ADAMTS9: variants seen among roughly 807,000 people sequenced by gnomAD.
The protein encoded by ADAMTS9 is ADAM metallopeptidase with thrombospondin type 1 motif 9, also known as A disintegrin and metalloproteinase with thrombospondin motifs 9.
Under a neutral mutation model 257.1 loss-of-function variants are expected in ADAMTS9, and 107 were observed. The observed-to-expected ratio is 0.42, with a 90% CI of 0.36 to 0.49. The LOEUF is 0.49. Among genes scored for constraint, ADAMTS9 ranks in the 20% least tolerant of loss-of-function variants. The pLI is 0.03. For synonymous variants in ADAMTS9, 982 were observed against 880.9 expected, an observed-to-expected ratio of 1.11 and a Z score of -2.03; for missense variants, 2,353 against 2,469.1, an observed-to-expected ratio of 0.95 and a Z score of 1.00.
intron 3 of ADAMTS9, among the ~76,000 whole-genome samples, chr3:64,678,288 C>T (rs568962990): frequency 1.2e-4 from 19 of 152,306 alleles, no homozygotes; most frequent in Admixed American, 1.0e-3. Context: ...CCTCCAGTTC[C>T]AGTATCCTAT....
intron 23 of ADAMTS9, 84 bp from the exon 24 acceptor site, chr3:64,604,415 A>T: frequency 1.0e-6 from 1 of 993,796 alleles, no homozygotes; most frequent in Non-Finnish European, 1.5e-6. Context: ...ATAAAAATGT[A>T]AAGGCTAAGA....
chr3:64,537,501 G>A (rs1449398406), intron 37 of ADAMTS9, among the ~76,000 whole-genome samples: 1 of 152,008 alleles, frequency 6.6e-6, no homozygotes, highest in Non-Finnish European at 1.5e-5. Flanking sequence ...TATGTCCTTT[G>A]TTTATTTTCC....
chr3:64,621,294 T>C (rs995489335), intron 18 of ADAMTS9, 54 bp from the exon 19 acceptor site: 6 of 1,549,400 alleles, frequency 3.9e-6, no homozygotes, highest in Non-Finnish European at 5.2e-6. Context: ...TTCCATAAAC[T>C]ATTTAGACCC....
chr3:64,607,160 G>C, intron 22 of ADAMTS9, 81 bp from the exon 23 acceptor site: 1 of 1,566,146 alleles, frequency 6.4e-7, no homozygotes, highest in South Asian at 1.2e-5. Context: ...TTCTGCAAGA[G>C]AGAAATACTT....
intron 4 of ADAMTS9, among the ~76,000 whole-genome samples, chr3:64,657,456 C>T (rs971215943): frequency 6.6e-6 from 1 of 151,964 alleles, no homozygotes; most frequent in African/African-American, 2.4e-5. Flanking sequence ...CTCACCTCAG[C>T]TCCCGAGCAC....
intron 5 of ADAMTS9, 22 bp from the exon 6 acceptor site, chr3:64,655,713 G>T: frequency 6.2e-7 from 1 of 1,603,124 alleles, no homozygotes. Flanking sequence ...GAAGAATTAT[G>T]GTTAATCTGT....
chr3:64,572,965 C>T (rs985395517), intron 28 of ADAMTS9, among the ~76,000 whole-genome samples: 1 of 151,584 alleles, frequency 6.6e-6, no homozygotes. Flanking sequence ...GTAGTTCCAG[C>T]TACTCAGGAG....
At chr3:64,521,919 T>C (rs2082857019) in intron 39 of ADAMTS9, among the ~76,000 whole-genome samples, 1 of 152,088 alleles carries the variant, frequency 6.6e-6, no homozygotes, top group Non-Finnish European at 1.5e-5. Context: ...ACCTCCTGAA[T>C]CTAAAATCTA....
chr3:64,560,044 C>T (rs2083393582), intron 30 of ADAMTS9, among the ~76,000 whole-genome samples: 1 of 152,178 alleles, frequency 6.6e-6, no homozygotes, highest in Admixed American at 6.5e-5. Flanking sequence ...AATCCCCAAA[C>T]CATAATAGAT....
At position 64,642,045 on chromosome 3, in the gene ADAMTS9, C is replaced by T. The variant is rs1559806611; in HGVS notation, c.1711-52G>A. On this transcript the variant is annotated intron_variant, in intron 11 of 39. Transcript: ENST00000498707. ...GGAGACTTGGCGCTGTGAGTTGTTA[C>T]AGGACTGGCTGTCCTTTTAAACACA... The T allele has an allele frequency of 4.4e-6, 7 of 1,600,958 alleles. No homozygotes were observed. The East Asian group carries it at 1.6e-4, about 36-fold the overall frequency.
intron 25 of ADAMTS9, among the ~76,000 whole-genome samples, chr3:64,602,676 A>C (rs2084487328): frequency 6.6e-6 from 1 of 151,996 alleles, no homozygotes; most frequent in African/African-American, 2.4e-5. Context: ...GTACCACTTA[A>C]ATTCCCATGT....
At chr3:64,592,201 G>GGCCTT (rs113190746) in intron 28 of ADAMTS9, among the ~76,000 whole-genome samples, 4 of 152,246 alleles carry the variant, frequency 2.6e-5, no homozygotes, top group African/African-American at 7.2e-5. Flanking sequence ...TTGCAGAAGT[G>GGCCTT]GCCTTGCTCT....
At chr3:64,596,673 A>C (rs1444615397) in intron 27 of ADAMTS9, among the ~76,000 whole-genome samples, 157 bp downstream of exon 27, 1 of 152,188 alleles carries the variant, frequency 6.6e-6, no homozygotes, top group Non-Finnish European at 1.5e-5. Context: ...ACACTTTAAA[A>C]TAGTCCAGAA....
At position 64,632,443 on chromosome 3, in the gene ADAMTS9, A is replaced by G. The variant is rs906347615; in HGVS notation, c.2176-518T>C. 3.2e-4 allele frequency among the ~76,000 whole-genome samples: 49 copies of G among 152,164 alleles called. 1 individual carries two copies. The highest frequency in any genetic ancestry group is 1.2e-3 in the African/African-American group (49 of 41,434). ...CCAATTTTCCAAAGAAGCTGGAAAAATTGACTTTATGTAAAATCCCATACG... is the reference window on the plus strand; with the variant it reads ...CCAATTTTCCAAAGAAGCTGGAAAAGTTGACTTTATGTAAAATCCCATACG... On this transcript the variant is annotated intron_variant, in intron 14 of 39. Transcript: ENST00000498707.
chr3:64,630,998 C>T (rs951824945), intron 16 of ADAMTS9, among the ~76,000 whole-genome samples: 2 of 152,092 alleles, frequency 1.3e-5, no homozygotes, highest in Non-Finnish European at 2.9e-5. Flanking sequence ...ACTTTTGCAA[C>T]GAACAGGCAT....
chr3:64,639,172 T>C (rs1342542921), intron 12 of ADAMTS9, among the ~76,000 whole-genome samples: 6 of 152,174 alleles, frequency 3.9e-5, no homozygotes, highest in East Asian at 3.9e-4. Flanking sequence ...CCCAGAGCCA[T>C]TGTAACCTCC....
rs751423228 is a variant in ADAMTS9, at chr3:64,604,268, T to C, written c.3538A>G (p.Ser1180Gly). 2.9e-5 allele frequency: 47 copies of C among 1,613,594 alleles called. No individual in the cohort carries two copies. Among genetic ancestry groups the C allele is most frequent in the Non-Finnish European group, 3.9e-5 (46 of 1,179,826 alleles). Residue 1180 changes from serine (S) to glycine (G), a missense_variant, in exon 24 of 40, where the codon AGT (serine) becomes GGT (glycine). By Grantham distance (56) the Ser-to-Gly change is moderately conservative. Transcript: ENST00000498707. ...AAPETRRSTY[S>G]APRTQWRFGS... Reference sequence around the variant, plus strand: ...AATCGCCACTGGGTTCTTGGTGCACTGTATGTGCTTCTCCTCGTTTCCGGG... The same window carrying C: ...AATCGCCACTGGGTTCTTGGTGCACCGTATGTGCTTCTCCTCGTTTCCGGG...
chr3:64,518,460 ACCAGTT>A (rs2106863225), intron 39 of ADAMTS9, among the ~76,000 whole-genome samples: 1 of 152,182 alleles, frequency 6.6e-6, no homozygotes, highest in Admixed American at 6.5e-5. Flanking sequence ...AAAAAGACTG[ACCAGTT>A]CCGTCTTTTA....
Position 64,641,971 on chromosome 3 carries a change from A to T in ADAMTS9, c.1733T>A (p.Val578Asp). The change falls in exon 12 of 40, where the codon GTT becomes GAT. Residue 578 changes from valine (V) to aspartate (D), a missense_variant. By Grantham distance (152) the Val-to-Asp change is radical. Transcript: ENST00000498707. ...PGKHCKYGFC[V>D]PKEMDVPVTD... ...CACGGGGACATCCATTTCTTTGGGA[A>T]CACAAAATCCATACTTGCAGTGCTG... is the stretch of plus-strand genomic sequence containing the variant. 1 of 1,614,142 alleles carries T rather than the reference A, an allele frequency of 6.2e-7. No individual in the cohort carries two copies. Among genetic ancestry groups the T allele is most frequent in the Middle Eastern group, 1.6e-4 (1 of 6,062 alleles).
Sources: gnomAD v4.1 joint callset for allele counts (sites outside exome capture counted in the v4.1 genomes callset) on GRCh38, gnomAD v4.1.1 for gene constraint, MANE v1.5 for transcripts, NCBI Gene and HGNC (gene_info 2026-07-23, HGNC 2026-07-21) for gene names.